ACTR8: variants seen among roughly 807,000 people sequenced by gnomAD.
ACTR8 encodes actin-related protein 8.
In ACTR8, 70 loss-of-function variants were observed where a neutral mutation model predicts 84.3. That is an observed-to-expected ratio of 0.83 (90% CI 0.68 to 1.01). ACTR8 has a LOEUF of 1.01. ACTR8 is among the 50% of genes least tolerant of loss of function. The probability of loss-of-function intolerance (pLI) is 0.00; values close to 1 mark genes in which losing one functional copy is unlikely to be tolerated. For synonymous variants in ACTR8, 268 were observed against 275.2 expected (o/e 0.97, Z 0.26); for missense variants, 672 against 775.4 (o/e 0.87, Z 1.58).
chr3:53,876,164 A>G, intron 6 of ACTR8, 84 bp from the exon 7 acceptor site: 1 of 1,527,212 alleles, frequency 6.5e-7, no homozygotes, highest in Non-Finnish European at 8.9e-7. Flanking sequence ...TGAAGCGGGG[A>G]GCCTAGGGAC....
intron 1 of ACTR8, 175 bp downstream of exon 1, chr3:53,881,804 G>T: frequency 9.4e-7 from 1 of 1,067,530 alleles, no homozygotes; most frequent in Non-Finnish European, 1.3e-6. Flanking sequence ...GCACCTCCCA[G>T]CCCTCGGCGT....
chr3:53,874,391 G>A, intron 7 of ACTR8, 27 bp from the exon 8 acceptor site: 2 of 1,601,102 alleles, frequency 1.2e-6, no homozygotes, highest in Non-Finnish European at 1.7e-6. Flanking sequence ...AGGGTAGATG[G>A]TTAATCTGTT....
chr3:53,871,141 T>A, intron 11 of ACTR8, 91 bp downstream of exon 11: 1 of 1,501,850 alleles, frequency 6.7e-7, no homozygotes. Flanking sequence ...ATGAATATGT[T>A]ATACTGCACA....
At chr3:53,876,223 T>A in intron 6 of ACTR8, 143 bp from the exon 7 acceptor site, 1 of 1,110,906 alleles carries the variant, frequency 9.0e-7, no homozygotes, top group Non-Finnish European at 1.3e-6. Context: ...AATAAGCATT[T>A]AAATAAGTCA....
Position 53,877,401 on chromosome 3 carries a change from A to G in ACTR8, c.511-14T>C, listed in dbSNP as rs908047553. The G allele has an allele frequency of 4.4e-6, 7 of 1,580,494 alleles. No homozygotes were observed. The Admixed American group carries it at 1.3e-4, about 30-fold the overall frequency. On this transcript the variant is annotated splice_polypyrimidine_tract_variant and intron_variant, in intron 4 of 12. Coordinates refer to ENST00000335754, the MANE Select transcript of ACTR8 (RefSeq NM_022899.5). Reference sequence around the variant, plus strand: ...AACATACAAGGCCTAGAAAAGGAGGAGGGAGATGAGTACTTTGTTAAAACT... The same window carrying G: ...AACATACAAGGCCTAGAAAAGGAGGGGGGAGATGAGTACTTTGTTAAAACT...
downstream of ACTR8, among the ~76,000 whole-genome samples, chr3:53,863,353 T>C (rs1699638814): frequency 6.6e-6 from 1 of 152,226 alleles, no homozygotes; most frequent in Non-Finnish European, 1.5e-5. Context: ...AGTATTTGAA[T>C]ACAGAAACCA....
At chr3:53,871,611 T>C in intron 10 of ACTR8, 115 bp from the exon 11 acceptor site, 1 of 1,195,098 alleles carries the variant, frequency 8.4e-7, no homozygotes, top group South Asian at 1.4e-5. Flanking sequence ...CACACAGCAA[T>C]ACAACAACTG....
At position 53,871,611 on chromosome 3, in the gene ACTR8, TACA is replaced by T. The variant is rs1699885144; in HGVS notation, c.1303-118_1303-116del. The T allele has an allele frequency of 4.2e-6, 5 of 1,194,980 alleles. No individual in the cohort carries two copies. The South Asian group carries it at 4.3e-5, about 10-fold the overall frequency. 74.0% of individuals were successfully genotyped at this position (1,194,980 alleles called of 1,614,324 possible). On this transcript the variant is annotated intron_variant, in intron 10 of 12. Coordinates refer to ENST00000335754, the MANE Select transcript of ACTR8 (RefSeq NM_022899.5). ...CTATAAAACAAAAGCCACACAGCAA[TACA>T]ACAACTGCCCAGCACCCATTCCCAG...
chr3:53,864,770 C>T (rs1699720065), downstream of ACTR8: 2 of 1,609,890 alleles, frequency 1.2e-6, no homozygotes, highest in South Asian at 2.2e-5. Context: ...ACTTCCTTTT[C>T]TACCACCACA....
rs748137513 is a variant in ACTR8 at position 53,871,514 on chromosome 3, A to C, written c.1303-18T>G. 4.3e-6 allele frequency: 7 copies of C among 1,613,186 alleles called. No individual in the cohort carries two copies. In the Admixed American group the frequency reaches 1.2e-4, roughly 27 times the overall value. ...TTTGCAGACTTTAAATCAAAAGGACAATCAAGTATGTGGTATTACAACAAC... is the reference window on the plus strand; with the variant it reads ...TTTGCAGACTTTAAATCAAAAGGACCATCAAGTATGTGGTATTACAACAAC... On this transcript the variant is annotated intron_variant, in intron 10 of 12. Coordinates refer to ENST00000335754, the MANE Select transcript of ACTR8 (RefSeq NM_022899.5).
Position 53,874,374 on chromosome 3 carries a change from A to T in ACTR8, c.912-10T>A. On this transcript the variant is annotated splice_polypyrimidine_tract_variant and intron_variant, in intron 7 of 12. Coordinates refer to ENST00000335754, the MANE Select transcript of ACTR8 (RefSeq NM_022899.5). ...GTATGCCAGACAAAGCCTAAAGTTAAGAGAAAAGGGTAGATGGTTAATCTG... is the reference window on the plus strand; with the variant it reads ...GTATGCCAGACAAAGCCTAAAGTTATGAGAAAAGGGTAGATGGTTAATCTG... The T allele has an allele frequency of 6.2e-7, 1 of 1,611,202 alleles. No homozygotes were observed. Among genetic ancestry groups the T allele is most frequent in the East Asian group, 2.2e-5 (1 of 44,762 alleles).
At chr3:53,873,728 G>C (rs995797999) in intron 8 of ACTR8, among the ~76,000 whole-genome samples, 2 of 152,104 alleles carry the variant, frequency 1.3e-5, no homozygotes, top group Admixed American at 6.6e-5. Flanking sequence ...CTCACTGCTC[G>C]GACTTTAGCA....
At chr3:53,859,862 A>G in the ACTR8 span, 1 of 322,926 alleles carries the variant, frequency 3.1e-6, no homozygotes, top group Non-Finnish European at 5.8e-6. Flanking sequence ...AATCTCTACA[A>G]AGTGGCTGGG....
chr3:53,876,815 C>T (rs542301510), intron 5 of ACTR8, 102 bp from the exon 6 acceptor site: 53 of 591,422 alleles, frequency 9.0e-5, no homozygotes, highest in Admixed American at 2.3e-4. Flanking sequence ...GTAGCAGCTA[C>T]GGTTACACAC....
intron 11 of ACTR8, 150 bp downstream of exon 11, chr3:53,871,082 T>C: frequency 9.1e-7 from 1 of 1,102,934 alleles, no homozygotes; most frequent in Non-Finnish European, 1.3e-6. Context: ...CGTTAATGTA[T>C]TCCCAACACC....
chr3:53,878,263 C>T, intron 3 of ACTR8, 94 bp downstream of exon 3: 1 of 961,664 alleles, frequency 1.0e-6, no homozygotes, highest in Non-Finnish European at 1.6e-6. Flanking sequence ...GAACTCCCAT[C>T]TTGTATTTGC....
Position 53,874,288 on chromosome 3 carries a change from T to C in ACTR8, c.988A>G (p.Arg330Gly), listed in dbSNP as rs754833447. 15 of 1,614,222 alleles carry C rather than the reference T, an allele frequency of 9.3e-6. No individual in the cohort carries two copies. Among genetic ancestry groups the C allele is most frequent in the Admixed American group, 1.7e-5 (1 of 60,024 alleles). Residue 330 changes from arginine (R) to glycine (G), a missense_variant, in exon 8 of 13, where the codon AGA (arginine) becomes GGA (glycine). Physicochemically the swap from Arg to Gly is moderately radical, Grantham distance 125. Transcript: ENST00000335754. Reference protein sequence around the residue: ...WLMQRAGFPYRECQLTNKMDC... With the variant: ...WLMQRAGFPYGECQLTNKMDC... ...ATTTTATTTGTTAACTGGCATTCTC[T>C]GTAAGGGAACCCAGCTCGCTGCATT...
intron 3 of ACTR8, 64 bp from the exon 4 acceptor site, chr3:53,877,815 T>G: frequency 2.2e-6 from 3 of 1,374,934 alleles, no homozygotes; most frequent in Non-Finnish European, 3.1e-6. Context: ...CATAAGGGTC[T>G]CCTTTTCTTC....
rs1700071599 is a variant in ACTR8, at chr3:53,881,959, C to A, written c.123+20G>T. The A allele has an allele frequency of 6.4e-7, 1 of 1,555,284 alleles. No homozygotes were observed. The highest frequency in any genetic ancestry group is 8.7e-7 in the Non-Finnish European group (1 of 1,148,772). Reference sequence around the variant, plus strand: ...GGACCCAAGCAAGGGCAAAGAGTTCCAACCCAGCCAGAGCCGCACCTCTTG... The same window carrying A: ...GGACCCAAGCAAGGGCAAAGAGTTCAAACCCAGCCAGAGCCGCACCTCTTG... On this transcript the variant is annotated intron_variant, in intron 1 of 12. Transcript: ENST00000335754.
Sources: allele counts gnomAD v4.1 joint callset (sites outside exome capture counted in the v4.1 genomes callset), GRCh38; gene constraint gnomAD v4.1.1; transcripts MANE v1.5; gene names NCBI Gene and HGNC (gene_info 2026-07-23, HGNC 2026-07-21).